The following TMEM269 variants were observed in gnomAD, a reference collection of about 807,000 sequenced individuals.
The protein encoded by TMEM269 is transmembrane protein 269.
In TMEM269, 12 loss-of-function variants were observed where a neutral mutation model predicts 15.8. The ratio of observed to expected loss-of-function variants is 0.76; its 90% confidence interval spans 0.49 to 1.23. The LOEUF is 1.23. Ranked by LOEUF, TMEM269 falls within the 50% of genes most tolerant of loss-of-function variation. TMEM269 has a pLI of 0.00. For missense variants in TMEM269, 211 were observed against 245.4 expected (o/e 0.86, Z 0.94); for synonymous variants, 93 against 99.3 (o/e 0.94, Z 0.38).
intron 1 of TMEM269, chr1:42,789,178 C>T (rs762120214): frequency 2.2e-5 from 11 of 490,258 alleles, no homozygotes; most frequent in Non-Finnish European, 3.7e-5. Context: ...TTGCCTCAGC[C>T]TCCCAAAGTG....
chr1:42,790,179 G>A (rs1436791649), intron 2 of TMEM269, among the ~76,000 whole-genome samples: 1 of 152,206 alleles, frequency 6.6e-6, no homozygotes, highest in Non-Finnish European at 1.5e-5. Context: ...TGGCCCTTAT[G>A]CAATCTTTGG....
intron 2 of TMEM269, among the ~76,000 whole-genome samples, chr1:42,792,391 C>A (rs932063326): frequency 6.6e-6 from 1 of 152,134 alleles, no homozygotes; most frequent in South Asian, 2.1e-4. Context: ...CCTCATTTTA[C>A]AGATGGGGGA....
At chr1:42,785,648 G>A (rs905180733) in intron 1 of TMEM269, among the ~76,000 whole-genome samples, 1 of 152,122 alleles carries the variant, frequency 6.6e-6, no homozygotes, top group African/African-American at 2.4e-5. Flanking sequence ...GCCACTCAAG[G>A]TCACATCCGC....
intron 1 of TMEM269, among the ~76,000 whole-genome samples, chr1:42,785,665 A>G (rs901333378): frequency 6.6e-6 from 1 of 151,654 alleles, no homozygotes; most frequent in Non-Finnish European, 1.5e-5. Context: ...CCGCACGACC[A>G]CCCCCTGCAG....
Position 42,797,295 on chromosome 1 carries a change from T to C in TMEM269, c.485-803T>C, listed in dbSNP as rs1653805555. Among the ~76,000 whole-genome samples the C allele has an allele frequency of 6.6e-6, 1 of 152,050 alleles. No individual in the cohort carries two copies. Among genetic ancestry groups the C allele is most frequent in the African/African-American group, 2.4e-5 (1 of 41,382 alleles). On this transcript the variant is annotated intron_variant, in intron 5 of 5. Coordinates refer to ENST00000637012, the MANE Select transcript of TMEM269 (RefSeq NM_001354602.2). This position sits in a 1 kb window ranked among gnomAD's most constrained non-coding sequence, Gnocchi z 4.9. ...AAAATCAGCAAAGGGAAAAGGTGCA[T>C]GGGAAAAAGTTCAGGGGAAACCAGG... is the stretch of plus-strand genomic sequence containing the variant.
At position 42,793,854 on chromosome 1, in the gene TMEM269, C is replaced by T; in HGVS notation, c.283+110C>T. On this transcript the variant is annotated intron_variant, in intron 4 of 5. Coordinates refer to ENST00000637012, the MANE Select transcript of TMEM269 (RefSeq NM_001354602.2). ...GTTACTGACTCCTTTTTTGGAGCTC[C>T]TCTTCCTTCCTCCTTGCGTGCCCCA... The T allele has an allele frequency of 3.2e-6, 4 of 1,263,922 alleles. No individual in the cohort carries two copies. The South Asian group carries it at 6.1e-5, about 19-fold the overall frequency. 78.3% of individuals were successfully genotyped at this position (1,263,922 alleles called of 1,614,324 possible). A position where few individuals can be genotyped will look rare whatever the true frequency, so the allele number is the denominator to read the frequency against.
intron 1 of TMEM269, among the ~76,000 whole-genome samples, chr1:42,787,427 C>T (rs1263415271): frequency 2.6e-5 from 4 of 151,006 alleles, no homozygotes; most frequent in East Asian, 2.0e-4. Flanking sequence ...GGTGAAACCC[C>T]GTCTCTACTA....
Position 42,789,777 on chromosome 1 carries a change from C to T in TMEM269, c.-98-19C>T. 2 of 1,377,950 alleles carry T rather than the reference C, an allele frequency of 1.5e-6. No homozygotes were observed. Among genetic ancestry groups the T allele is most frequent in the East Asian group, 2.5e-5 (1 of 40,052 alleles). The allele number at this position is 1,377,950 out of a possible 1,614,324, so 85.4% of individuals were successfully genotyped here. The stretch of plus-strand genomic sequence containing the variant: ...TCCTTAACCTTGGGAACCCTTCGCC[C>T]CTCTCTCTTGGGCCCCAGGTAAGGG... On this transcript the variant is annotated intron_variant, in intron 1 of 5. Coordinates refer to ENST00000637012, the MANE Select transcript of TMEM269 (RefSeq NM_001354602.2).
intron 5 of TMEM269, among the ~76,000 whole-genome samples, chr1:42,796,397 T>C (rs1180058697): frequency 1.3e-5 from 2 of 152,144 alleles, no homozygotes; most frequent in African/African-American, 4.8e-5. Flanking sequence ...CTGGGTAGAT[T>C]TCAAAATGGC....
In TMEM269 at chr1:42,797,950, A is replaced by C. The variant is rs1369683647; in HGVS notation, c.485-148A>C. On this transcript the variant is annotated intron_variant, in intron 5 of 5. Transcript: ENST00000637012. This position sits in a 1 kb window ranked among gnomAD's most constrained non-coding sequence, Gnocchi z 4.9. Reference sequence around the variant, plus strand: ...CCTATCTCTATTAAACTGAACTTGAAGACAGGGCTCCTGTCTCTTTCTGTT... The same window carrying C: ...CCTATCTCTATTAAACTGAACTTGACGACAGGGCTCCTGTCTCTTTCTGTT... The C allele has an allele frequency of 1.1e-6, 1 of 872,430 alleles. No individual in the cohort carries two copies. The highest frequency in any genetic ancestry group is 1.7e-5 in the African/African-American group (1 of 59,660). The allele number at this position is 872,430 out of a possible 1,614,324, so 54.0% of individuals were successfully genotyped here.
chr1:42,790,378 A>G (rs1653662216), intron 2 of TMEM269, among the ~76,000 whole-genome samples: 1 of 152,204 alleles, frequency 6.6e-6, no homozygotes, highest in Non-Finnish European at 1.5e-5. Flanking sequence ...TAAATCCTTT[A>G]TGATGCGGGT....
intron 4 of TMEM269, among the ~76,000 whole-genome samples, chr1:42,794,090 TCTTGC>T (rs908779435): frequency 3.2e-4 from 49 of 152,302 alleles, no homozygotes; most frequent in Admixed American, 2.2e-3. Context: ...AGGGAAATTG[TCTTGC>T]CTAAGGTCAC....
At position 42,798,718 on chromosome 1, in the gene TMEM269, C is replaced by T. The variant is rs1377808963; in HGVS notation, c.*493C>T. ...TTTGAATGTGTGTAGGATTTTGTAA[C>T]TTCAACATTCTGGGTTTTTTTTTTT... On this transcript the variant is annotated 3_prime_UTR_variant, in exon 6 of 6. Transcript: ENST00000637012. The T allele has an allele frequency of 7.4e-6, 1 of 134,510 alleles. No individual in the cohort carries two copies. Among genetic ancestry groups the T allele is most frequent in the South Asian group, 2.4e-4 (1 of 4,136 alleles). The allele number at this position is 134,510 out of a possible 1,614,324, so 8.3% of individuals were successfully genotyped here.
At position 42,793,623 on chromosome 1, in the gene TMEM269, C is replaced by A; in HGVS notation, c.162C>A (p.Ala54=). The change falls in exon 4 of 6, where the codon GCC becomes GCA. Residue 54 remains alanine, a synonymous_variant. Coordinates refer to ENST00000637012, the MANE Select transcript of TMEM269 (RefSeq NM_001354602.2). ...SKLGAELNDF[A]VFTTFGLASA... Reference sequence around the variant, plus strand: ...CAGGAGCCGAGCTGAATGACTTTGCCGTCTTCACCACCTTCGGCTTGGCCT... The same window carrying A: ...CAGGAGCCGAGCTGAATGACTTTGCAGTCTTCACCACCTTCGGCTTGGCCT... The A allele has an allele frequency of 6.5e-7, 1 of 1,550,206 alleles. No homozygotes were observed. Among genetic ancestry groups the A allele is most frequent in the African/African-American group, 1.4e-5 (1 of 73,120 alleles).
chr1:42,795,680 C>A (rs942655575), intron 5 of TMEM269, among the ~76,000 whole-genome samples: 2 of 152,170 alleles, frequency 1.3e-5, no homozygotes, highest in Admixed American at 6.5e-5. Context: ...CACACTGGGG[C>A]CTTGCAGACG....
chr1:42,785,770 A>G (rs564049653), intron 1 of TMEM269, among the ~76,000 whole-genome samples: 1 of 152,170 alleles, frequency 6.6e-6, no homozygotes, highest in Admixed American at 6.5e-5. Flanking sequence ...TGGGCCAAGA[A>G]TGTCCCTCCT....
At chr1:42,794,989 T>C (rs1427997732) in intron 5 of TMEM269, among the ~76,000 whole-genome samples, 1 of 152,214 alleles carries the variant, frequency 6.6e-6, no homozygotes, top group Non-Finnish European at 1.5e-5. Context: ...ATCTAGAGGC[T>C]GATCACAGGG....
rs567445007 is a variant in TMEM269 at position 42,798,050 on chromosome 1, G to T, written c.485-48G>T. The T allele has an allele frequency of 2.7e-5, 42 of 1,548,808 alleles. No homozygotes were observed. The Admixed American group carries it at 3.1e-4, about 12-fold the overall frequency. On this transcript the variant is annotated intron_variant, in intron 5 of 5. Coordinates refer to ENST00000637012, the MANE Select transcript of TMEM269 (RefSeq NM_001354602.2). The stretch of plus-strand genomic sequence containing the variant: ...GGGAGAGTAGAGGGTAGAAAGCATA[G>T]AAGACAGCTTCCTAGAAATTGAGTG...
chr1:42,797,760 TGAG>T lies in TMEM269; in HGVS notation c.485-335_485-333del, dbSNP rs919388988. 20 of 494,052 alleles carry T rather than the reference TGAG, an allele frequency of 4.0e-5. No individual in the cohort carries two copies. Among genetic ancestry groups the T allele is most frequent in the Non-Finnish European group, 7.4e-5 (18 of 244,002 alleles). 30.6% of individuals were successfully genotyped at this position (494,052 alleles called of 1,614,324 possible). A position where few individuals can be genotyped will look rare whatever the true frequency, so the allele number is the denominator to read the frequency against. Reference sequence around the variant, plus strand: ...TTATCACATGTTAAATTTAAAACAATGAGGAAGATTTTTTTTTCCTAACAAGGG... The same window carrying T: ...TTATCACATGTTAAATTTAAAACAATGAAGATTTTTTTTTCCTAACAAGGG... On this transcript the variant is annotated intron_variant, in intron 5 of 5. Coordinates refer to ENST00000637012, the MANE Select transcript of TMEM269 (RefSeq NM_001354602.2). The surrounding 1 kb of genome is among the most constrained non-coding windows in gnomAD (Gnocchi z 4.9).
Sources: gnomAD v4.1 joint callset for allele counts (sites outside exome capture counted in the v4.1 genomes callset) on GRCh38, gnomAD v4.1.1 for gene constraint, Gnocchi (gnomAD v3.1) non-coding constraint, MANE v1.5 for transcripts, NCBI Gene and HGNC (gene_info 2026-07-23, HGNC 2026-07-21) for gene names.